The following NAV2 variants were observed in gnomAD, a reference collection of about 807,000 sequenced individuals.
The protein encoded by NAV2 is helicase, APC down-regulated 1.
In NAV2, 54 loss-of-function variants were observed where a neutral mutation model predicts 223.2. The ratio of observed to expected loss-of-function variants is 0.24; its 90% CI spans 0.19 to 0.30. The LOEUF (loss-of-function observed/expected upper bound fraction) is 0.30. Among genes scored for constraint, NAV2 ranks in the 10% least tolerant of loss-of-function variants. The pLI is 1.00. For missense variants in NAV2, 2,806 were observed against 3,147.5 expected, an observed-to-expected ratio of 0.89 and a Z score of 2.60; for synonymous variants, 1,279 against 1,239.3, an observed-to-expected ratio of 1.03 and a Z score of -0.67.
At chr11:19,571,521 C>T (rs2045423549) in intron 1 of NAV2, among the ~76,000 whole-genome samples, 1 of 152,096 alleles carries the variant, frequency 6.6e-6, no homozygotes, top group Non-Finnish European at 1.5e-5. Flanking sequence ...AGCCTGGCCA[C>T]ATAGTGAAAC....
At chr11:19,494,048 C>G (rs1227393178) in intron 1 of NAV2, among the ~76,000 whole-genome samples, 1 of 152,206 alleles carries the variant, frequency 6.6e-6, no homozygotes, top group Non-Finnish European at 1.5e-5. Flanking sequence ...AGACTGAGCT[C>G]TGCAGAGCAG....
At chr11:19,932,423 C>G (rs542426334) in intron 6 of NAV2, among the ~76,000 whole-genome samples, 3 of 152,216 alleles carry the variant, frequency 2.0e-5, no homozygotes, top group Admixed American at 6.5e-5. Flanking sequence ...GCAACCTCTA[C>G]TTCTCCTGCC....
At chr11:20,105,312 T>C (rs4757889) in intron 34 of NAV2, 304,688 of 426,400 alleles carry the variant, frequency 0.71, 117,850 homozygotes, top group South Asian at 0.83. Flanking sequence ...TTTCTGTCCG[T>C]AAAACGGAGG....
chr11:19,609,033 C>T (rs1308601855), intron 1 of NAV2, among the ~76,000 whole-genome samples: 1 of 152,154 alleles, frequency 6.6e-6, no homozygotes, highest in Non-Finnish European at 1.5e-5. Flanking sequence ...TACACTGGGC[C>T]CACCTGAATA....
intron 12 of NAV2, among the ~76,000 whole-genome samples, chr11:20,041,423 T>C (rs1372737932): frequency 6.6e-6 from 1 of 152,224 alleles, no homozygotes; most frequent in Non-Finnish European, 1.5e-5. Context: ...TCAAACACTT[T>C]AGCTTAGTGC....
upstream of NAV2, among the ~76,000 whole-genome samples, chr11:19,347,997 C>T (rs1467524029): frequency 6.6e-6 from 1 of 152,206 alleles, no homozygotes; most frequent in Non-Finnish European, 1.5e-5. Flanking sequence ...CTGGCTCCAG[C>T]ACAAGGACAG....
chr11:20,038,718 A>G (rs1209047485), intron 12 of NAV2, among the ~76,000 whole-genome samples: 3 of 152,192 alleles, frequency 2.0e-5, no homozygotes, highest in East Asian at 3.9e-4. Flanking sequence ...TGGGCAGCAC[A>G]CAGTCTGCCA....
chr11:19,568,667 T>C (rs1180754912), intron 1 of NAV2, among the ~76,000 whole-genome samples: 1 of 152,180 alleles, frequency 6.6e-6, no homozygotes, highest in Non-Finnish European at 1.5e-5. Context: ...CCCGGTTCTT[T>C]AGTCCCCCAT....
At chr11:19,830,562 T>G (rs1309557657) in intron 1 of NAV2, among the ~76,000 whole-genome samples, 1 of 152,198 alleles carries the variant, frequency 6.6e-6, no homozygotes, top group Non-Finnish European at 1.5e-5. Context: ...TTTATGTCAG[T>G]GCCTGGCATG....
At chr11:19,358,673 A>C (rs1325785246) in intron 1 of NAV2, among the ~76,000 whole-genome samples, 2 of 152,176 alleles carry the variant, frequency 1.3e-5, no homozygotes, top group Non-Finnish European at 2.9e-5. Context: ...ACCTGGGAAC[A>C]GTGTGCCTTT....
intron 1 of NAV2, among the ~76,000 whole-genome samples, chr11:19,668,439 A>G (rs1392617500): frequency 6.7e-6 from 1 of 150,280 alleles, no homozygotes; most frequent in Non-Finnish European, 1.5e-5. Flanking sequence ...AGGCTGAGGC[A>G]CGAGAATCTC....
intron 1 of NAV2, among the ~76,000 whole-genome samples, chr11:19,792,030 A>G (rs2057558212): frequency 6.6e-6 from 1 of 152,190 alleles, no homozygotes; most frequent in Non-Finnish European, 1.5e-5. Context: ...TGTCCTGGGC[A>G]TGGTGGGGGA....
chr11:19,859,137 CT>C lies in NAV2; in HGVS notation c.439-9766del, dbSNP rs569446282. 7.1e-3 allele frequency among the ~76,000 whole-genome samples: 760 copies of C among 107,110 alleles called. 14 individuals carry two copies. The highest frequency in any genetic ancestry group is 0.036 in the Admixed American group (343 of 9,638). The allele number at this position is 107,110 out of a possible 152,430, so 70.3% of individuals were successfully genotyped here. ...ATGGAGGAGTCCAAAATCATATTCTCTTTTTTTTTTTTTTTTTTTTTTATTG... is the reference window on the plus strand; with the variant it reads ...ATGGAGGAGTCCAAAATCATATTCTCTTTTTTTTTTTTTTTTTTTTTATTG... On this transcript the variant is annotated intron_variant, in intron 3 of 37. Transcript: ENST00000349880.
intron 31 of NAV2, among the ~76,000 whole-genome samples, chr11:20,099,245 G>C (rs954067160): frequency 6.6e-6 from 1 of 152,308 alleles, no homozygotes; most frequent in Non-Finnish European, 1.5e-5. Flanking sequence ...ACCATGAGGG[G>C]AAGCAGGAAG....
chr11:19,738,889 C>T (rs1041601671), intron 1 of NAV2, among the ~76,000 whole-genome samples: 3 of 152,100 alleles, frequency 2.0e-5, no homozygotes, highest in Admixed American at 6.5e-5. Context: ...CCCTGGTTCA[C>T]GTATTGGTAC....
At chr11:19,552,503 C>A (rs1435144171) in intron 1 of NAV2, among the ~76,000 whole-genome samples, 1 of 152,170 alleles carries the variant, frequency 6.6e-6, no homozygotes, top group East Asian at 1.9e-4. Context: ...CTCCTCCTCA[C>A]TTTTCTCCCA....
chr11:19,852,016 C>G (rs892756028), intron 3 of NAV2, among the ~76,000 whole-genome samples: 2 of 152,196 alleles, frequency 1.3e-5, no homozygotes, highest in Admixed American at 6.5e-5. Context: ...CCAAGGAATG[C>G]AGGTGGCCTC....
intron 1 of NAV2, among the ~76,000 whole-genome samples, chr11:19,821,203 A>C (rs1008029646): frequency 2.0e-5 from 3 of 148,330 alleles, no homozygotes; most frequent in Non-Finnish European, 3.0e-5. Flanking sequence ...CGGAGCTTGC[A>C]GTGAGCCGAG....
chr11:20,071,924 C>T (rs1313306823), intron 22 of NAV2, among the ~76,000 whole-genome samples: 1 of 152,164 alleles, frequency 6.6e-6, no homozygotes, highest in Non-Finnish European at 1.5e-5. Flanking sequence ...GTTTCTTTTG[C>T]TGTGCAGAAG....
Sources: gnomAD v4.1 joint callset for allele counts (sites outside exome capture counted in the v4.1 genomes callset) on GRCh38, gnomAD v4.1.1 for gene constraint, MANE v1.5 for transcripts, NCBI Gene and HGNC (gene_info 2026-07-23, HGNC 2026-07-21) for gene names.